Variants in VPS13B observed in about 807,000 individuals in gnomAD.
VPS13B encodes the protein vacuolar protein sorting 13 homolog B.
A neutral mutation model predicts 426.4 loss-of-function variants in VPS13B; 285 were observed. The observed-to-expected ratio is 0.67, with a 90% confidence interval of 0.61 to 0.74. VPS13B has a LOEUF of 0.74. VPS13B is among the 30% of genes least tolerant of loss of function. The probability of loss-of-function intolerance (pLI) is 0.00; values close to 1 mark genes in which losing one functional copy is unlikely to be tolerated. For missense variants in VPS13B, 4,537 were observed against 4,782.6 expected (o/e 0.95, Z 1.51); for synonymous variants, 1,676 against 1,676.4 (o/e 1.00, Z 0.01).
At position 99,496,732 on chromosome 8, in the gene VPS13B, T is replaced by C. The variant is rs145333355; in HGVS notation, c.3871-4955T>C. 3.9e-4 allele frequency among the ~76,000 whole-genome samples: 60 copies of C among 152,224 alleles called. 1 individual carries two copies. Among genetic ancestry groups the C allele is most frequent in the Middle Eastern group, 3.4e-3 (1 of 292 alleles). ...GCAAACACATACATACGTACACAAG[T>C]ACACACACATCCTTCCCTTACAGGA... On this transcript the variant is annotated intron_variant, in intron 25 of 61. Coordinates refer to ENST00000357162, the MANE Select transcript of VPS13B (RefSeq NM_152564.5).
At chr8:99,210,628 A>G (rs1261089684) in intron 17 of VPS13B, among the ~76,000 whole-genome samples, 2 of 152,114 alleles carry the variant, frequency 1.3e-5, no homozygotes, top group Admixed American at 1.3e-4. Context: ...TTTTTGAGAC[A>G]GAGTTTTATT....
chr8:99,454,292 C>A (rs974827342), intron 23 of VPS13B, among the ~76,000 whole-genome samples: 7 of 152,028 alleles, frequency 4.6e-5, no homozygotes, highest in Non-Finnish European at 7.4e-5. Flanking sequence ...TCAAGTAATC[C>A]TCCTGAGGAG....
intron 3 of VPS13B, among the ~76,000 whole-genome samples, chr8:99,056,004 G>T (rs1412420459): frequency 6.6e-6 from 1 of 150,436 alleles, no homozygotes; most frequent in Admixed American, 6.7e-5. Flanking sequence ...TCCTCCCAAG[G>T]TGCTGGGATT....
chr8:99,185,570 T>C (rs1323749508), intron 16 of VPS13B, among the ~76,000 whole-genome samples: 1 of 152,178 alleles, frequency 6.6e-6, no homozygotes, highest in Non-Finnish European at 1.5e-5. Context: ...TGGAACCAGT[T>C]TGTAGGTTCA....
At chr8:99,795,454 C>T (rs1370338535) in intron 43 of VPS13B, among the ~76,000 whole-genome samples, 19 of 152,194 alleles carry the variant, frequency 1.2e-4, no homozygotes, top group Non-Finnish European at 2.6e-4. Context: ...AGCTCCAAGC[C>T]TCCTCCACAT....
intron 2 of VPS13B, among the ~76,000 whole-genome samples, chr8:99,037,245 A>G (rs1842785326): frequency 6.6e-6 from 1 of 152,092 alleles, no homozygotes; most frequent in Admixed American, 6.6e-5. Flanking sequence ...GAGTACTAAC[A>G]ATAGACTTAA....
At chr8:99,336,818 A>C (rs948007386) in intron 19 of VPS13B, among the ~76,000 whole-genome samples, 2 of 152,208 alleles carry the variant, frequency 1.3e-5, no homozygotes, top group African/African-American at 4.8e-5. Context: ...ATGAGATACC[A>C]TCTCACACCA....
chr8:99,662,947 A>G (rs986072252), intron 35 of VPS13B, among the ~76,000 whole-genome samples: 16 of 152,114 alleles, frequency 1.1e-4, no homozygotes, highest in African/African-American at 3.6e-4. Flanking sequence ...AGTTCCAGCT[A>G]CTCTGGAGGC....
intron 19 of VPS13B, among the ~76,000 whole-genome samples, chr8:99,370,754 C>T (rs1033959147): frequency 1.3e-5 from 2 of 151,666 alleles, no homozygotes; most frequent in African/African-American, 4.8e-5. Flanking sequence ...GGACTACAGG[C>T]GTGTACCACC....
At chr8:99,528,070 A>G (rs1022448459) in intron 30 of VPS13B, 2 of 152,190 alleles carry the variant, frequency 1.3e-5, no homozygotes, top group South Asian at 4.2e-4. Flanking sequence ...TAAATAATGA[A>G]AACAAGTCTC....
intron 47 of VPS13B, 81 bp downstream of exon 47, chr8:99,818,969 C>T (rs932861115): frequency 4.3e-4 from 34 of 79,068 alleles, no homozygotes; most frequent in African/African-American, 1.9e-3. Context: ...TGGGGGGCGG[C>T]GGGGGAGGGG....
At chr8:99,761,734 T>G (rs778332597) in intron 39 of VPS13B, among the ~76,000 whole-genome samples, 1 of 152,248 alleles carries the variant, frequency 6.6e-6, no homozygotes, top group Non-Finnish European at 1.5e-5. Flanking sequence ...TATATTAATA[T>G]GCTTTTTCTT....
chr8:99,393,442 A>T (rs1157733474), intron 21 of VPS13B, among the ~76,000 whole-genome samples: 1 of 152,094 alleles, frequency 6.6e-6, no homozygotes, highest in Non-Finnish European at 1.5e-5. Flanking sequence ...CATAAACAAC[A>T]CATTTTTTAA....
intron 39 of VPS13B, among the ~76,000 whole-genome samples, chr8:99,762,648 G>T (rs561017622): frequency 6.6e-6 from 1 of 152,138 alleles, no homozygotes; most frequent in Non-Finnish European, 1.5e-5. Context: ...CAACTTACCT[G>T]ATTCTGGCAA....
At chr8:99,711,174 CCCT>C (rs1832695430) in intron 36 of VPS13B, among the ~76,000 whole-genome samples, 1 of 151,990 alleles carries the variant, frequency 6.6e-6, no homozygotes, top group Non-Finnish European at 1.5e-5. Flanking sequence ...TAACTGTGTT[CCCT>C]CATTGAGGAA....
In VPS13B at chr8:99,875,932, C is replaced by T; in HGVS notation, c.*266C>T. 1 of 503,458 alleles carries T rather than the reference C, an allele frequency of 2.0e-6. No homozygotes were observed. The highest frequency in any genetic ancestry group is 3.6e-6 in the Non-Finnish European group (1 of 278,916). 31.2% of individuals were successfully genotyped at this position (503,458 alleles called of 1,614,324 possible). On this transcript the variant is annotated 3_prime_UTR_variant, in exon 62 of 62. Transcript: ENST00000357162. ...ACAAGGCCAACAGTTTCCTTATTTA[C>T]ATCCTTACCTCTAAAAGATACTTCA...
intron 17 of VPS13B, among the ~76,000 whole-genome samples, chr8:99,206,349 T>C (rs1157279582): frequency 6.6e-6 from 1 of 152,220 alleles, no homozygotes; most frequent in Non-Finnish European, 1.5e-5. Flanking sequence ...AGAAAGTAAC[T>C]GTTAAAGTAT....
At chr8:99,135,573 A>G (rs759239145) in intron 10 of VPS13B, 23 bp from the exon 11 acceptor site, 2 of 1,610,728 alleles carry the variant, frequency 1.2e-6, no homozygotes, top group Admixed American at 3.3e-5. Flanking sequence ...CTTCCCATTT[A>G]TAAATTTTGC....
chr8:99,031,731 G>A (rs916647315), intron 2 of VPS13B, among the ~76,000 whole-genome samples: 1 of 152,166 alleles, frequency 6.6e-6, no homozygotes, highest in Non-Finnish European at 1.5e-5. Context: ...CAGTGGTGTG[G>A]CTTTGCTTGG....
Sources: gnomAD v4.1 joint callset for allele counts (sites outside exome capture counted in the v4.1 genomes callset) on GRCh38, gnomAD v4.1.1 for gene constraint, MANE v1.5 for transcripts, NCBI Gene and HGNC (gene_info 2026-07-23, HGNC 2026-07-21) for gene names.